The following HEMK2 variants were observed in gnomAD, a reference collection of about 807,000 sequenced individuals.
HEMK2 encodes methyltransferase HEMK2.
chr21:28,835,745 A>G, the HEMK2 span, among the ~76,000 whole-genome samples: 1 of 152,200 alleles, frequency 6.6e-6, no homozygotes, highest in Non-Finnish European at 1.5e-5. Flanking sequence ...AAAATGATAC[A>G]GGAAGTAAAG....
At chr21:28,717,527 T>C in the HEMK2 span, among the ~76,000 whole-genome samples, 1 of 136,586 alleles carries the variant, frequency 7.3e-6, no homozygotes, top group Non-Finnish European at 1.5e-5. Flanking sequence ...TCACCCAGGC[T>C]GGAGTACAGT....
the HEMK2 span, among the ~76,000 whole-genome samples, chr21:28,660,939 C>T: frequency 1.3e-5 from 2 of 152,012 alleles, no homozygotes; most frequent in South Asian, 4.1e-4. Flanking sequence ...CACTTACATA[C>T]TCTACTTTTT....
the HEMK2 span, among the ~76,000 whole-genome samples, chr21:28,821,717 C>T: frequency 6.6e-6 from 1 of 152,144 alleles, no homozygotes; most frequent in Admixed American, 6.5e-5. Flanking sequence ...CTCCCCCAAT[C>T]GCTAATAATA....
At chr21:28,729,618 A>G in the HEMK2 span, among the ~76,000 whole-genome samples, 1 of 143,700 alleles carries the variant, frequency 7.0e-6, no homozygotes, top group African/African-American at 2.7e-5. Flanking sequence ...ACTAACACTA[A>G]CGATTGCTGA....
the HEMK2 span, among the ~76,000 whole-genome samples, chr21:28,647,240 C>A: frequency 7.1e-6 from 1 of 141,462 alleles, no homozygotes; most frequent in Admixed American, 7.3e-5. Context: ...AATCCCAGCA[C>A]TTTGGGAGGC....
chr21:28,705,699 C>A, the HEMK2 span, among the ~76,000 whole-genome samples: 1 of 152,156 alleles, frequency 6.6e-6, no homozygotes, highest in Non-Finnish European at 1.5e-5. Flanking sequence ...AGAAGTCCAA[C>A]AAGGCTCTCG....
At chr21:28,646,478 T>A in the HEMK2 span, among the ~76,000 whole-genome samples, 152,326 of 152,342 alleles carry the variant, frequency 1, 76,155 homozygotes, top group Middle Eastern at 1. Flanking sequence ...TTGACCCAAA[T>A]AACTCTCTCA....
At chr21:28,796,173 C>G in the HEMK2 span, among the ~76,000 whole-genome samples, 1 of 152,160 alleles carries the variant, frequency 6.6e-6, no homozygotes, top group African/African-American at 2.4e-5. Context: ...CTCACTCTGT[C>G]GCCCAGGATG....
chr21:28,857,783 AT>A, the HEMK2 span, among the ~76,000 whole-genome samples: 59 of 152,098 alleles, frequency 3.9e-4, no homozygotes, highest in African/African-American at 1.4e-3. Flanking sequence ...AGGGAAAGAG[AT>A]TATATGAGCT....
chr21:28,727,399 A>T, the HEMK2 span, among the ~76,000 whole-genome samples: 1 of 152,238 alleles, frequency 6.6e-6, no homozygotes, highest in East Asian at 1.9e-4. Flanking sequence ...TGGTTTGGTT[A>T]CATCATCCTC....
chr21:28,772,987 G>T, the HEMK2 span, among the ~76,000 whole-genome samples: 4 of 152,264 alleles, frequency 2.6e-5, no homozygotes, highest in South Asian at 8.3e-4. Flanking sequence ...GTAATCATAT[G>T]AGTTTTATCA....
chr21:28,594,759 T>C, the HEMK2 span, among the ~76,000 whole-genome samples: 3 of 152,250 alleles, frequency 2.0e-5, no homozygotes, highest in Non-Finnish European at 4.4e-5. Context: ...TTTTGTGTCA[T>C]TGAATACTAA....
the HEMK2 span, among the ~76,000 whole-genome samples, chr21:28,838,117 G>T: frequency 6.6e-6 from 1 of 152,118 alleles, no homozygotes; most frequent in Non-Finnish European, 1.5e-5. Context: ...GACATTTAAA[G>T]AAAAATTGGT....
chr21:28,637,417 T>C, the HEMK2 span, among the ~76,000 whole-genome samples: 1 of 151,402 alleles, frequency 6.6e-6, no homozygotes, highest in Non-Finnish European at 1.5e-5. Flanking sequence ...TTCATTGATA[T>C]AACAGTGGGC....
chr21:28,613,094 AGAAAGAT>A, the HEMK2 span, among the ~76,000 whole-genome samples: 16 of 150,442 alleles, frequency 1.1e-4, no homozygotes, highest in South Asian at 4.2e-4. Context: ...ATAGATAGAT[AGAAAGAT>A]AGATAGATAG....
the HEMK2 span, among the ~76,000 whole-genome samples, chr21:28,869,494 T>C: frequency 2.0e-5 from 3 of 152,236 alleles, no homozygotes; most frequent in Admixed American, 6.5e-5. Context: ...GAAAGAATTA[T>C]AAGAACCACT....
the HEMK2 span, among the ~76,000 whole-genome samples, chr21:28,756,273 T>C: frequency 0.19 from 29,439 of 152,056 alleles, 3,571 homozygotes; most frequent in African/African-American, 0.34. Context: ...CTAAACCACT[T>C]AGTGGTTTAA....
chr21:28,732,631 A>C, the HEMK2 span, among the ~76,000 whole-genome samples: 1 of 152,196 alleles, frequency 6.6e-6, no homozygotes, highest in Non-Finnish European at 1.5e-5. Context: ...TAAGCATGAA[A>C]GGGACTGGCA....
At chr21:28,615,400 G>GTCTC in the HEMK2 span, among the ~76,000 whole-genome samples, 1 of 143,492 alleles carries the variant, frequency 7.0e-6, no homozygotes, top group Non-Finnish European at 1.5e-5. Flanking sequence ...CTCTGTCGCT[G>GTCTC]TCTCTCTCTC....
Sources: allele counts gnomAD v4.1 joint callset (sites outside exome capture counted in the v4.1 genomes callset), GRCh38; gene constraint gnomAD v4.1.1; transcripts MANE v1.5; gene names NCBI Gene and HGNC (gene_info 2026-07-23, HGNC 2026-07-21).